Variants in ACLY observed in about 807,000 individuals in gnomAD.
The protein encoded by ACLY is ATP-citrate synthase.
A neutral mutation model predicts 133.0 loss-of-function variants in ACLY; 41 were observed. The ratio of observed to expected loss-of-function variants is 0.31; its 90% CI spans 0.24 to 0.40. The LOEUF is 0.40. ACLY is among the 10% of genes least tolerant of loss of function. The pLI, the probability that ACLY is intolerant of heterozygous loss-of-function variation, is 1.00. For missense variants in ACLY, 1,046 were observed against 1,453.8 expected, an observed-to-expected ratio of 0.72 and a Z score of 4.56; for synonymous variants, 495 against 549.3, an observed-to-expected ratio of 0.90 and a Z score of 1.38.
chr17:41,892,128 A>C, intron 16 of ACLY, 151 bp downstream of exon 16: 1 of 754,606 alleles, frequency 1.3e-6, no homozygotes. Context: ...GGCTACTCCC[A>C]AATCCCCAGC....
intron 27 of ACLY, 124 bp downstream of exon 27, chr17:41,868,919 T>A (rs1220673787): frequency 7.3e-7 from 1 of 1,364,570 alleles, no homozygotes; most frequent in Non-Finnish European, 1.0e-6. Context: ...AATTTTTGTT[T>A]TCTTCTTTAT....
intron 17 of ACLY, 140 bp from the exon 18 acceptor site, chr17:41,886,448 C>G: frequency 1.3e-6 from 1 of 791,162 alleles, no homozygotes; most frequent in Admixed American, 2.9e-5. Context: ...CACTTGCCCA[C>G]TGGGTTTCCT....
intron 9 of ACLY, 142 bp from the exon 10 acceptor site, chr17:41,904,932 G>A: frequency 1.3e-6 from 1 of 747,336 alleles, no homozygotes; most frequent in Non-Finnish European, 2.3e-6. Context: ...GAGTAGGACA[G>A]TCTCTCCAGA....
chr17:41,901,969 CT>C (rs1204267974), intron 10 of ACLY, among the ~76,000 whole-genome samples, 156 bp from the exon 11 acceptor site: 1 of 152,212 alleles, frequency 6.6e-6, no homozygotes, highest in Admixed American at 6.5e-5. Flanking sequence ...GATATGATCA[CT>C]CAGAATGTTG....
chr17:41,906,780 A>C, intron 7 of ACLY, 134 bp from the exon 8 acceptor site: 1 of 762,042 alleles, frequency 1.3e-6, no homozygotes, highest in East Asian at 2.5e-5. Flanking sequence ...GGGGCTACGC[A>C]GGGCCCCACA....
rs552961093 is a variant in ACLY at position 41,917,647 on chromosome 17, T to A, written c.-24+1233A>T. On this transcript the variant is annotated intron_variant, in intron 1 of 28. Transcript: ENST00000352035. ...TATCTGCAGGATTGGGACTTACGTA[T>A]GTAGGTATTTATTTATTTATTTTTT... Among the ~76,000 whole-genome samples, 284 of 152,216 alleles carry A rather than the reference T, an allele frequency of 1.9e-3. 1 individual carries two copies. Among genetic ancestry groups the A allele is most frequent in the African/African-American group, 6.2e-3 (259 of 41,526 alleles).
rs990016682 is a variant in ACLY at position 41,871,583 on chromosome 17, G to A, written c.2937+106C>T. The A allele has an allele frequency of 9.4e-5, 131 of 1,399,452 alleles. 1 individual carries two copies. The highest frequency in any genetic ancestry group is 6.2e-4 in the African/African-American group (44 of 70,674). 86.7% of individuals were successfully genotyped at this position (1,399,452 alleles called of 1,614,324 possible). On this transcript the variant is annotated intron_variant, in intron 25 of 28. Transcript: ENST00000352035. ...TTGGTCAGGCTGGTCTCCAACTCCC[G>A]ACCTCAAGTGATCCACCTGCCTTGG...
At chr17:41,906,706 C>T in intron 7 of ACLY, 60 bp from the exon 8 acceptor site, 1 of 1,428,092 alleles carries the variant, frequency 7.0e-7, no homozygotes, top group Non-Finnish European at 9.9e-7. Flanking sequence ...GGTCCCAGAT[C>T]CTAGGACCCC....
chr17:41,898,493 A>G (rs2144340908), intron 12 of ACLY, 138 bp downstream of exon 12: 1 of 1,175,612 alleles, frequency 8.5e-7, no homozygotes. Flanking sequence ...AAAAATTGGC[A>G]GAGATCCACA....
intron 1 of ACLY, among the ~76,000 whole-genome samples, chr17:41,918,159 C>G (rs1006762571): frequency 9.2e-5 from 14 of 152,226 alleles, no homozygotes; most frequent in African/African-American, 3.4e-4. Context: ...CCTTGAGGAC[C>G]TTTCCCCGGC....
chr17:41,872,134 T>A lies in ACLY; in HGVS notation c.2691A>T (p.Thr897=), dbSNP rs1555625235. 6.2e-7 allele frequency: 1 copy of A among 1,614,084 alleles called. No individual in the cohort carries two copies. The highest frequency in any genetic ancestry group is 2.2e-5 in the East Asian group (1 of 44,888). Residue 897 remains threonine (T), a synonymous_variant, in exon 24 of 29, where the codon ACA becomes ACT. Coordinates refer to ENST00000352035, the MANE Select transcript of ACLY (RefSeq NM_001096.3). ...CAGAGACGGCTGGCCCGTGATCAGC[T>A]GTCACCATCAGACACATCTCAATGA... is the stretch of plus-strand genomic sequence containing the variant. The part of the protein sequence containing the change: ...CQFIEMCLMV[T]ADHGPAVSGA...
chr17:41,880,380 G>A (rs1308781491), intron 20 of ACLY, among the ~76,000 whole-genome samples: 2 of 152,154 alleles, frequency 1.3e-5, no homozygotes, highest in African/African-American at 2.4e-5. Flanking sequence ...TGTAAGCAAA[G>A]GTTGAAAGAC....
chr17:41,881,001 T>G (rs1194874565), intron 20 of ACLY, among the ~76,000 whole-genome samples: 37 of 106,758 alleles, frequency 3.5e-4, no homozygotes, highest in South Asian at 6.8e-4. Flanking sequence ...GATGGGGAGG[T>G]GGGGTGGAAA....
At chr17:41,924,399 A>G (rs766395451) in intron 1 of ACLY, among the ~76,000 whole-genome samples, 4 of 150,932 alleles carry the variant, frequency 2.7e-5, no homozygotes, top group Non-Finnish European at 5.9e-5. Flanking sequence ...CGCCCGCCTC[A>G]GCCTCCCAAA....
Position 41,876,108 on chromosome 17 carries a change from G to A in ACLY, c.2487+1995C>T, listed in dbSNP as rs564310163. Reference sequence around the variant, plus strand: ...AGATCCTCTGCCTGGCAACCGCCCCGTCTGAGAAGTGAGGAGCCCCTCCGC... The same window carrying A: ...AGATCCTCTGCCTGGCAACCGCCCCATCTGAGAAGTGAGGAGCCCCTCCGC... On this transcript the variant is annotated intron_variant, in intron 22 of 28. Coordinates refer to ENST00000352035, the MANE Select transcript of ACLY (RefSeq NM_001096.3). 2.1e-3 allele frequency among the ~76,000 whole-genome samples: 321 copies of A among 150,632 alleles called. 1 individual carries two copies. The highest frequency in any genetic ancestry group is 7.6e-3 in the African/African-American group (310 of 40,892).
upstream of ACLY, among the ~76,000 whole-genome samples, chr17:41,919,582 G>C (rs929091877): frequency 3.3e-5 from 5 of 152,348 alleles, no homozygotes; most frequent in African/African-American, 1.2e-4. Flanking sequence ...GGCAGGGGCC[G>C]CGGTAAGCAA....
intron 14 of ACLY, among the ~76,000 whole-genome samples, chr17:41,895,884 G>A (rs1485952331): frequency 6.6e-6 from 1 of 152,160 alleles, no homozygotes; most frequent in South Asian, 2.1e-4. Context: ...TTAAATGGAC[G>A]CTCTGATGCC....
intron 14 of ACLY, among the ~76,000 whole-genome samples, chr17:41,894,349 C>T (rs2049301268): frequency 2.2e-5 from 3 of 135,052 alleles, no homozygotes; most frequent in Admixed American, 8.4e-5. Flanking sequence ...TGCACTCCAG[C>T]TTGGGCCACA....
intron 23 of ACLY, 78 bp downstream of exon 23, chr17:41,873,733 C>A: frequency 6.9e-7 from 1 of 1,451,636 alleles, no homozygotes; most frequent in East Asian, 2.5e-5. Context: ...CAGGCCTGTC[C>A]ACTCCCACCC....
Sources: gnomAD v4.1 joint callset for allele counts (sites outside exome capture counted in the v4.1 genomes callset) on GRCh38, gnomAD v4.1.1 for gene constraint, MANE v1.5 for transcripts, NCBI Gene and HGNC (gene_info 2026-07-23, HGNC 2026-07-21) for gene names.